Variants in ACSL3 observed in about 807,000 individuals in gnomAD.
The protein encoded by ACSL3 is fatty acid CoA ligase Acsl3.
A neutral mutation model predicts 84.7 loss-of-function variants in ACSL3; 34 were observed. That is an observed-to-expected ratio of 0.40 (90% CI 0.31 to 0.53). The LOEUF is 0.53. Among genes scored for constraint, ACSL3 ranks in the 20% least tolerant of loss-of-function variants. The pLI is 0.48. For synonymous variants in ACSL3, 315 were observed against 299.4 expected (o/e 1.05, Z -0.54); for missense variants, 680 against 873.1 (o/e 0.78, Z 2.79).
chr2:222,866,396 C>CA (rs1695141513), intron 1 of ACSL3, among the ~76,000 whole-genome samples: 2 of 152,156 alleles, frequency 1.3e-5, no homozygotes, highest in South Asian at 4.1e-4. Context: ...CCGCCCGCCT[C>CA]GCCCTCCCAA....
chr2:222,898,267 G>A (rs1696041097), intron 2 of ACSL3, among the ~76,000 whole-genome samples: 1 of 152,008 alleles, frequency 6.6e-6, no homozygotes, highest in Admixed American at 6.6e-5. Context: ...TTAAAGTTGT[G>A]TTTCGTCATA....
intron 4 of ACSL3, among the ~76,000 whole-genome samples, chr2:222,910,020 C>G (rs965000009): frequency 4.6e-5 from 7 of 152,344 alleles, no homozygotes; most frequent in African/African-American, 7.2e-5. Context: ...TCACTGATCA[C>G]AGCTTTCATG....
intron 5 of ACSL3, among the ~76,000 whole-genome samples, chr2:222,917,082 C>A (rs1309305834): frequency 2.0e-5 from 3 of 152,024 alleles, no homozygotes; most frequent in African/African-American, 7.2e-5. Flanking sequence ...GCTGTAAATT[C>A]CTCCACCTTT....
At chr2:222,887,528 C>T (rs1695752218) in intron 1 of ACSL3, among the ~76,000 whole-genome samples, 1 of 152,164 alleles carries the variant, frequency 6.6e-6, no homozygotes, top group African/African-American at 2.4e-5. Flanking sequence ...TACCATTTTG[C>T]ATTCCCACCA....
rs200186324 is a variant in ACSL3, at chr2:222,925,825, TCA to T, written c.1293-1191_1293-1190del. On this transcript the variant is annotated intron_variant, in intron 11 of 16. Transcript: ENST00000357430. ...GTTTTGTATTTAAAGCTTTAAATGATCAGTTTTGTTCCAGCTTGTATTTGTGT... is the reference window on the plus strand; with the variant it reads ...GTTTTGTATTTAAAGCTTTAAATGATGTTTTGTTCCAGCTTGTATTTGTGT... 6.6e-3 allele frequency among the ~76,000 whole-genome samples: 1,012 copies of T among 152,322 alleles called. 8 individuals are homozygous for T. Among genetic ancestry groups the T allele is most frequent in the African/African-American group, 0.023 (938 of 41,564 alleles).
At chr2:222,877,681 A>G (rs887700301) in intron 1 of ACSL3, among the ~76,000 whole-genome samples, 17 of 152,176 alleles carry the variant, frequency 1.1e-4, no homozygotes, top group African/African-American at 4.1e-4. Flanking sequence ...TGTAATGCCT[A>G]TATATTATAT....
At chr2:222,883,400 C>G (rs1365454052) in intron 1 of ACSL3, among the ~76,000 whole-genome samples, 3 of 151,842 alleles carry the variant, frequency 2.0e-5, no homozygotes, top group Admixed American at 1.3e-4. Context: ...TCATGCTGGT[C>G]TCGAACTCCC....
At position 222,934,514 on chromosome 2, in the gene ACSL3, C is replaced by T. The variant is rs1293456551; in HGVS notation, c.1848-16C>T. On this transcript the variant is annotated splice_polypyrimidine_tract_variant and intron_variant, in intron 15 of 16. Transcript: ENST00000357430. ...CACCATTTTGTTCCTTATCTGTTAT[C>T]CTTTCTATATTTCAGTTATCATTCT... 6.5e-7 allele frequency: 1 copy of T among 1,527,278 alleles called. No individual in the cohort carries two copies. Among genetic ancestry groups the T allele is most frequent in the East Asian group, 2.4e-5 (1 of 42,254 alleles). 94.6% of individuals were successfully genotyped at this position (1,527,278 alleles called of 1,614,324 possible).
intron 3 of ACSL3, among the ~76,000 whole-genome samples, chr2:222,901,415 C>G (rs1696146233): frequency 6.6e-6 from 1 of 152,192 alleles, no homozygotes; most frequent in Non-Finnish European, 1.5e-5. Context: ...ATCTATCTGT[C>G]TGTCCTTTTG....
intron 16 of ACSL3, among the ~76,000 whole-genome samples, chr2:222,940,420 CCTT>C (rs1697271991): frequency 6.6e-6 from 1 of 151,674 alleles, no homozygotes; most frequent in African/African-American, 2.4e-5. Flanking sequence ...TGGTATGTAT[CCTT>C]CTCCTCACAT....
chr2:222,930,583 A>G (rs200108986), intron 13 of ACSL3, 38 bp from the exon 14 acceptor site: 9 of 1,485,310 alleles, frequency 6.1e-6, no homozygotes, highest in Non-Finnish European at 8.1e-6. Flanking sequence ...CATGTGTTGT[A>G]TTTAACTCAA....
At position 222,924,582 on chromosome 2, in the gene ACSL3, C is replaced by T; in HGVS notation, c.1279C>T (p.Pro427Ser). The change falls in exon 11 of 17, where the codon CCA becomes TCA. Residue 427 changes from proline (P) to serine (S), a missense_variant. Physicochemically the swap from Pro to Ser is moderately conservative, Grantham distance 74. Around this residue, in one of 2 missense-constraint regions of ACSL3, gnomAD observed 347 missense variants for 525.7 expected, o/e 0.66. Coordinates refer to ENST00000357430, the MANE Select transcript of ACSL3 (RefSeq NM_004457.5). ...MEQISKGRNT[P>S]LCDSFVFRKV... ...ACAGATTTCAAAAGGACGTAATACTCCACTGTGCGACAGGTAAGTAAAGAC... is the reference window on the plus strand; with the variant it reads ...ACAGATTTCAAAAGGACGTAATACTTCACTGTGCGACAGGTAAGTAAAGAC... The T allele has an allele frequency of 6.2e-7, 1 of 1,603,780 alleles. No individual in the cohort carries two copies. The highest frequency in any genetic ancestry group is 8.5e-7 in the Non-Finnish European group (1 of 1,176,354).
At chr2:222,920,787 A>T (rs1051987337) in intron 7 of ACSL3, among the ~76,000 whole-genome samples, 2 of 152,016 alleles carry the variant, frequency 1.3e-5, no homozygotes, top group African/African-American at 4.8e-5. Flanking sequence ...CCACTTGACT[A>T]TTGTTTCTTG....
At chr2:222,898,188 A>G (rs1696038879) in intron 2 of ACSL3, among the ~76,000 whole-genome samples, 1 of 151,790 alleles carries the variant, frequency 6.6e-6, no homozygotes, top group Non-Finnish European at 1.5e-5. Context: ...CTTTTATTTT[A>G]ATTTATAGGC....
At chr2:222,891,139 C>T (rs1042257644) in intron 2 of ACSL3, among the ~76,000 whole-genome samples, 11 of 152,168 alleles carry the variant, frequency 7.2e-5, no homozygotes, top group Admixed American at 1.3e-4. Context: ...TCCAATAGTT[C>T]ATGTTCTCCT....
Position 222,941,549 on chromosome 2 carries a change from G to A in ACSL3, c.2058G>A (p.Pro686=), listed in dbSNP as rs376941621. 160 of 1,612,302 alleles carry A rather than the reference G, an allele frequency of 9.9e-5. No individual in the cohort carries two copies. The East Asian group carries it at 1.7e-3, about 17-fold the overall frequency. Residue 686 remains proline (P), a synonymous_variant, in exon 17 of 17, where the codon CCG becomes CCA. Transcript: ENST00000357430. ...IPVKIRLSPE[P]WTPETGLVTD... ...TAAAAATTCGTTTGAGTCCTGAACC[G>A]TGGACCCCTGAAACTGGTCTGGTGA...
At chr2:222,875,470 A>G (rs1695422805) in intron 1 of ACSL3, among the ~76,000 whole-genome samples, 1 of 152,164 alleles carries the variant, frequency 6.6e-6, no homozygotes, top group Non-Finnish European at 1.5e-5. Flanking sequence ...AAAAAAATTC[A>G]TTGGTTTGGC....
chr2:222,936,105 G>A (rs539915345), intron 16 of ACSL3, among the ~76,000 whole-genome samples: 6 of 152,098 alleles, frequency 3.9e-5, no homozygotes, highest in African/African-American at 7.2e-5. Flanking sequence ...TTTAGGTTGC[G>A]TAATACTCCA....
At chr2:222,882,890 C>G (rs1045582870) in intron 1 of ACSL3, among the ~76,000 whole-genome samples, 13 of 151,466 alleles carry the variant, frequency 8.6e-5, no homozygotes, top group Non-Finnish European at 1.9e-4. Flanking sequence ...GCCTCAGCCT[C>G]CTGAGTAGCT....
Sources: allele counts gnomAD v4.1 joint callset (sites outside exome capture counted in the v4.1 genomes callset), GRCh38; gene constraint gnomAD v4.1.1; regional missense constraint gnomAD v4.1.1; transcripts MANE v1.5; gene names NCBI Gene and HGNC (gene_info 2026-07-23, HGNC 2026-07-21).